MOXD1: variants seen among roughly 807,000 people sequenced by gnomAD.
MOXD1 encodes DBH-like monooxygenase protein 1.
A neutral mutation model predicts 66.6 loss-of-function variants in MOXD1; 62 were observed. The observed-to-expected ratio is 0.93, with a 90% CI of 0.76 to 1.15. The LOEUF is 1.15. Ranked by LOEUF, MOXD1 falls within the 50% of genes most tolerant of loss-of-function variation. The probability of loss-of-function intolerance (pLI) is 0.00; values close to 1 mark genes in which losing one functional copy is unlikely to be tolerated. For missense variants in MOXD1, 847 were observed against 754.6 expected, an observed-to-expected ratio of 1.12 and a Z score of -1.44; for synonymous variants, 303 against 281.9, an observed-to-expected ratio of 1.07 and a Z score of -0.75.
intron 10 of MOXD1, among the ~76,000 whole-genome samples, chr6:132,302,221 G>T (rs1582556577): frequency 6.6e-6 from 1 of 152,274 alleles, no homozygotes; most frequent in African/African-American, 2.4e-5. Context: ...AGCCAGAGTG[G>T]AATGTCTCTG....
intron 1 of MOXD1, chr6:132,392,448 G>C (rs548841297): frequency 8.0e-7 from 1 of 1,253,540 alleles, no homozygotes; most frequent in Non-Finnish European, 1.1e-6. Context: ...AGCATTCATC[G>C]GCTGCATTAC....
intron 4 of MOXD1, among the ~76,000 whole-genome samples, chr6:132,346,580 G>A (rs990971667): frequency 2.0e-5 from 3 of 152,046 alleles, no homozygotes; most frequent in African/African-American, 7.2e-5. Context: ...AGAATTCACT[G>A]GCCTTTTAAA....
At chr6:132,348,329 CTATT>C (rs1775707219) in intron 4 of MOXD1, among the ~76,000 whole-genome samples, 1 of 152,150 alleles carries the variant, frequency 6.6e-6, no homozygotes, top group African/African-American at 2.4e-5. Context: ...TTTTACTTTG[CTATT>C]TATCTTCACC....
intron 4 of MOXD1, among the ~76,000 whole-genome samples, chr6:132,354,584 G>T (rs535568292): frequency 6.6e-6 from 1 of 152,178 alleles, no homozygotes; most frequent in Non-Finnish European, 1.5e-5. Context: ...GCTCTGTGAG[G>T]GTTCTTACCT....
At chr6:132,384,650 A>G (rs1231178884) in intron 1 of MOXD1, among the ~76,000 whole-genome samples, 1 of 149,966 alleles carries the variant, frequency 6.7e-6, no homozygotes, top group Non-Finnish European at 1.5e-5. Flanking sequence ...GGAACCATCC[A>G]TGCAATGTGT....
chr6:132,328,624 C>A lies in MOXD1; in HGVS notation c.664-30G>T, dbSNP rs147444922. On this transcript the variant is annotated intron_variant, in intron 4 of 11. Coordinates refer to ENST00000367963, the MANE Select transcript of MOXD1 (RefSeq NM_015529.4). ...ACGAACATAAATGAGAGGGAGGACA[C>A]AATAAATAAGACCACCCTACAACAT... The A allele has an allele frequency of 3.2e-3, 5,052 of 1,600,930 alleles. 27 individuals carry two copies. The highest frequency in any genetic ancestry group is 0.012 in the Middle Eastern group (69 of 5,742).
chr6:132,316,148 G>T (rs1430301624), intron 9 of MOXD1, among the ~76,000 whole-genome samples: 1 of 146,640 alleles, frequency 6.8e-6, no homozygotes, highest in African/African-American at 2.6e-5. Context: ...GTCTTCATGT[G>T]TATAAACATT....
At chr6:132,339,849 C>G (rs1181789181) in intron 4 of MOXD1, among the ~76,000 whole-genome samples, 2 of 147,336 alleles carry the variant, frequency 1.4e-5, no homozygotes, top group Non-Finnish European at 3.0e-5. Context: ...AGGGCAAGCT[C>G]AAAATGAAGC....
At chr6:132,313,369 GTTATTTGTATT>G in intron 10 of MOXD1, among the ~76,000 whole-genome samples, 1 of 152,200 alleles carries the variant, frequency 6.6e-6, no homozygotes, top group Middle Eastern at 3.4e-3. Context: ...TAAGCATTTT[GTTATTTGTATT>G]TTATTAGATA....
At chr6:132,382,541 T>C (rs1340366496) in intron 1 of MOXD1, among the ~76,000 whole-genome samples, 1 of 152,184 alleles carries the variant, frequency 6.6e-6, no homozygotes, top group Non-Finnish European at 1.5e-5. Context: ...TGTTTATACA[T>C]TTTTAGATAA....
At chr6:132,350,784 T>C (rs1345855913) in intron 4 of MOXD1, among the ~76,000 whole-genome samples, 2 of 152,234 alleles carry the variant, frequency 1.3e-5, no homozygotes, top group Admixed American at 1.3e-4. Flanking sequence ...TTTGTTTGTG[T>C]CATCTGTGAT....
chr6:132,297,257 C>A lies in MOXD1; in HGVS notation c.1738G>T (p.Val580Leu). 6.2e-7 allele frequency: 1 copy of A among 1,613,614 alleles called. No individual in the cohort carries two copies. The highest frequency in any genetic ancestry group is 8.5e-7 in the Non-Finnish European group (1 of 1,179,674). ...IERPYKAEPLVCGTSSSSSLH... is the reference protein window; with the variant it reads ...IERPYKAEPLLCGTSSSSSLH... ...GAAGAGGAAGAAGACGTGCCACACACCAAAGGTTCTGCTTTATAGGGTCTT... is the reference window on the plus strand; with the variant it reads ...GAAGAGGAAGAAGACGTGCCACACAACAAAGGTTCTGCTTTATAGGGTCTT... The change falls in exon 12 of 12, where the codon GTG (valine) becomes TTG (leucine). Residue 580 changes from valine (V) to leucine (L), a missense_variant. Transcript: ENST00000367963.
intron 6 of MOXD1, among the ~76,000 whole-genome samples, chr6:132,326,563 T>A (rs1352139148): frequency 6.6e-6 from 1 of 152,134 alleles, no homozygotes; most frequent in African/African-American, 2.4e-5. Flanking sequence ...ATAAGACATA[T>A]TCAATAATTA....
At chr6:132,304,710 G>A (rs1774647240) in intron 10 of MOXD1, among the ~76,000 whole-genome samples, 1 of 152,102 alleles carries the variant, frequency 6.6e-6, no homozygotes, top group Non-Finnish European at 1.5e-5. Flanking sequence ...CCTGCACAGC[G>A]AACCTGCTTT....
intron 4 of MOXD1, among the ~76,000 whole-genome samples, chr6:132,360,665 G>A (rs1442937259): frequency 6.6e-6 from 1 of 152,040 alleles, no homozygotes; most frequent in East Asian, 1.9e-4. Context: ...CGGCAGCTTT[G>A]GGGGCTCTCT....
intron 4 of MOXD1, among the ~76,000 whole-genome samples, chr6:132,345,900 G>A (rs1308876504): frequency 1.3e-5 from 2 of 151,904 alleles, no homozygotes; most frequent in Admixed American, 6.6e-5. Context: ...CCTCCAACCA[G>A]TTACATCTCC....
rs1586044101 is a variant in MOXD1 at position 132,296,858 on chromosome 6, G to A, written c.*295C>T. ...ATTTAAATAAAACAGAATGTAGTAG[G>A]AAAGAAAGAATTCTTTTATTCCCAC... On this transcript the variant is annotated 3_prime_UTR_variant, in exon 12 of 12. Coordinates refer to ENST00000367963, the MANE Select transcript of MOXD1 (RefSeq NM_015529.4). The A allele has an allele frequency of 1.3e-5, 3 of 224,084 alleles. No individual in the cohort carries two copies. The highest frequency in any genetic ancestry group is 4.5e-5 in the African/African-American group (2 of 44,356). 13.9% of individuals were successfully genotyped at this position (224,084 alleles called of 1,614,324 possible).
chr6:132,385,475 TTATTA>T (rs1562299604), intron 1 of MOXD1, among the ~76,000 whole-genome samples: 1 of 134,672 alleles, frequency 7.4e-6, no homozygotes, highest in Non-Finnish European at 1.6e-5. Context: ...ATTATTATTA[TTATTA>T]TTATTATTAT....
At chr6:132,352,938 G>C (rs1775831829) in intron 4 of MOXD1, among the ~76,000 whole-genome samples, 1 of 151,928 alleles carries the variant, frequency 6.6e-6, no homozygotes, top group Admixed American at 6.6e-5. Context: ...AGTCTGTTTT[G>C]TCTGATGTAA....
Sources: allele counts gnomAD v4.1 joint callset (sites outside exome capture counted in the v4.1 genomes callset), GRCh38; gene constraint gnomAD v4.1.1; transcripts MANE v1.5; gene names NCBI Gene and HGNC (gene_info 2026-07-23, HGNC 2026-07-21).